ETV5: variants seen among roughly 807,000 people sequenced by gnomAD.
ETV5 encodes the protein ETS variant transcription factor 5.
In ETV5, 10 loss-of-function variants were observed where a neutral mutation model predicts 70.0. The observed-to-expected ratio is 0.14, with a 90% CI of 0.09 to 0.24. ETV5 has a LOEUF of 0.24. Ranked by LOEUF, ETV5 falls within the 10% of genes least tolerant of loss-of-function variation. The pLI is 1.00. For missense variants in ETV5, 453 were observed against 651.2 expected (o/e 0.70, Z 3.31); for synonymous variants, 216 against 242.2 (o/e 0.89, Z 1.01).
Position 186,105,484 on chromosome 3 carries a change from T to G in ETV5, c.146A>C (p.Asp49Ala), listed in dbSNP as rs1433707925. The change falls in exon 4 of 13, where the codon GAT becomes GCT. Residue 49 changes from aspartate to alanine, a missense_variant. Around this residue, in one of 4 missense-constraint regions of ETV5, gnomAD observed 47 missense variants for 96.8 expected, o/e 0.49. Transcript: ENST00000306376. The surrounding 1 kb of genome is among the most constrained non-coding windows in gnomAD (Gnocchi z 4.5). ...LAHDSEELFQ[D>A]LSQLQEAWLA... ...CCAAGCCTCTTGAAGTTGACTGAGA[T>G]CCTGAAATAGCTCTGAAATTGAAAA... 1 of 1,614,064 alleles carries G rather than the reference T, an allele frequency of 6.2e-7. No individual in the cohort carries two copies. The highest frequency in any genetic ancestry group is 1.3e-5 in the African/African-American group (1 of 74,926).
intron 7 of ETV5, chr3:186,078,922 C>A: frequency 6.0e-6 from 2 of 334,304 alleles, no homozygotes; most frequent in Non-Finnish European, 9.5e-6. Context: ...TGGTAGGCAT[C>A]TGGAATGGAC....
Position 186,048,761 on chromosome 3 carries a change from A to T in ETV5, c.1411T>A (p.Ser471Thr), listed in dbSNP as rs1427101151. 2.5e-6 allele frequency: 4 copies of T among 1,614,062 alleles called. No homozygotes were observed. Among genetic ancestry groups the T allele is most frequent in the Middle Eastern group, 3.3e-4 (2 of 6,062 alleles). ...TCCTCCTCGCTGAGGTGGCACTCGG[A>T]CTCTGCCTTCAGGAACGGACGCTGG... ...DNQRPFLKAE[S>T]ECHLSEEDTL... is the part of the protein sequence containing the mutation. Residue 471 changes from serine (S) to threonine (T), a missense_variant, in exon 13 of 13, where the codon TCC (serine) becomes ACC (threonine). Around this residue, in one of 4 missense-constraint regions of ETV5, gnomAD observed 74 missense variants for 95.2 expected, o/e 0.78. Coordinates refer to ENST00000306376, the MANE Select transcript of ETV5 (RefSeq NM_004454.3).
intron 11 of ETV5, 97 bp downstream of exon 11, chr3:186,056,978 C>A: frequency 7.2e-7 from 1 of 1,395,722 alleles, no homozygotes; most frequent in Non-Finnish European, 9.8e-7. Flanking sequence ...GAAGCAAGAG[C>A]AGACTTGACA....
At chr3:186,064,700 G>A in intron 8 of ETV5, 2 of 524,110 alleles carry the variant, frequency 3.8e-6, no homozygotes, top group Non-Finnish European at 6.8e-6. Flanking sequence ...AGTCACGGGA[G>A]GAAAAAAAAG....
chr3:186,061,063 C>T (rs1399209369), intron 9 of ETV5, among the ~76,000 whole-genome samples: 1 of 152,186 alleles, frequency 6.6e-6, no homozygotes, highest in East Asian at 1.9e-4. Context: ...AAACAACACT[C>T]GGTCTCCCAT....
intron 9 of ETV5, among the ~76,000 whole-genome samples, chr3:186,063,287 A>C (rs910333649): frequency 3.3e-5 from 5 of 151,526 alleles, no homozygotes; most frequent in East Asian, 1.9e-4. Context: ...ACAACAACAA[A>C]AAAAGATGAA....
intron 12 of ETV5, 83 bp downstream of exon 12, chr3:186,051,947 G>C (rs1008135238): frequency 1.6e-5 from 22 of 1,349,572 alleles, no homozygotes; most frequent in East Asian, 2.4e-5. Flanking sequence ...TCGTAGCGAC[G>C]ATCACCAGTC....
chr3:186,078,026 C>T, intron 7 of ETV5: 1 of 1,058,446 alleles, frequency 9.4e-7, no homozygotes, highest in Non-Finnish European at 1.1e-6. Context: ...TTCCTTTCAA[C>T]ACCCACGGGC....
rs573172158 is a variant in ETV5 at position 186,054,359 on chromosome 3, G to A, written c.1210-2228C>T. Among the ~76,000 whole-genome samples, 1 of 152,192 alleles carries A rather than the reference G, an allele frequency of 6.6e-6. No homozygotes were observed. Among genetic ancestry groups the A allele is most frequent in the African/African-American group, 2.4e-5 (1 of 41,460 alleles). On this transcript the variant is annotated intron_variant, in intron 11 of 12. Coordinates refer to ENST00000306376, the MANE Select transcript of ETV5 (RefSeq NM_004454.3). The surrounding 1 kb of genome is among the most constrained non-coding windows in gnomAD (Gnocchi z 4.4). ...CTATTCCTTCTCCCCTTTAAAGAGAGAGCAGCCACAGCCCAGGGAGTGGCT... is the reference window on the plus strand; with the variant it reads ...CTATTCCTTCTCCCCTTTAAAGAGAAAGCAGCCACAGCCCAGGGAGTGGCT...
At chr3:186,062,782 C>A (rs557115587) in intron 9 of ETV5, among the ~76,000 whole-genome samples, 92 of 152,212 alleles carry the variant, frequency 6.0e-4, no homozygotes, top group Middle Eastern at 6.8e-3. Context: ...GACTATAAAA[C>A]AATGAGTCCT....
Position 186,105,816 on chromosome 3 carries a change from A to G in ETV5, c.45+8T>C, listed in dbSNP as rs1338906031. ...GGACAAAACAAACCAAAAGCCACAT[A>G]AACTTACCCCTGGGACCATAAAAGG... On this transcript the variant is annotated splice_region_variant and intron_variant, in intron 2 of 12. Transcript: ENST00000306376. This position sits in a 1 kb window ranked among gnomAD's most constrained non-coding sequence, Gnocchi z 4.5. The G allele has an allele frequency of 1.9e-6, 3 of 1,613,682 alleles. No individual in the cohort carries two copies. Among genetic ancestry groups the G allele is most frequent in the Admixed American group, 1.7e-5 (1 of 60,016 alleles).
At chr3:186,108,662 C>T (rs987789730) in intron 1 of ETV5, 3 of 1,157,552 alleles carry the variant, frequency 2.6e-6, no homozygotes, top group Admixed American at 4.2e-5. Context: ...CGGGAGCCCC[C>T]GCACTCGCGC....
chr3:186,083,335 T>A (rs1713975894), intron 5 of ETV5, among the ~76,000 whole-genome samples: 1 of 152,226 alleles, frequency 6.6e-6, no homozygotes, highest in Non-Finnish European at 1.5e-5. Context: ...AAGATAATCA[T>A]TTGCAATCAC....
intron 5 of ETV5, among the ~76,000 whole-genome samples, chr3:186,098,840 T>C (rs1000504728): frequency 2.0e-5 from 3 of 152,194 alleles, no homozygotes; most frequent in Admixed American, 6.5e-5. Flanking sequence ...AAATGTCTTA[T>C]GTATGCTTCT....
Position 186,057,026 on chromosome 3 carries a change from T to C in ETV5, c.1209+49A>G. On this transcript the variant is annotated intron_variant, in intron 11 of 12. Coordinates refer to ENST00000306376, the MANE Select transcript of ETV5 (RefSeq NM_004454.3). This position sits in a 1 kb window ranked among gnomAD's most constrained non-coding sequence, Gnocchi z 4.9. ...ATGGAAATCTAAACAAAAAACATCATCAACAACAACAAATCAAAACCCGTC... is the reference window on the plus strand; with the variant it reads ...ATGGAAATCTAAACAAAAAACATCACCAACAACAACAAATCAAAACCCGTC... 7 of 1,584,412 alleles carry C rather than the reference T, an allele frequency of 4.4e-6. No homozygotes were observed. Among genetic ancestry groups the C allele is most frequent in the Non-Finnish European group, 6.0e-6 (7 of 1,161,364 alleles).
At chr3:186,089,860 G>A (rs1714140214) in intron 5 of ETV5, among the ~76,000 whole-genome samples, 1 of 152,168 alleles carries the variant, frequency 6.6e-6, no homozygotes, top group African/African-American at 2.4e-5. Flanking sequence ...GAGATATCTG[G>A]AGACAACTGG....
chr3:186,099,366 G>A (rs565268403), intron 5 of ETV5, among the ~76,000 whole-genome samples: 28 of 152,212 alleles, frequency 1.8e-4, no homozygotes, highest in Non-Finnish European at 3.7e-4. Context: ...AACCTAATCC[G>A]GTAATGGCAT....
chr3:186,059,170 G>A (rs558876780), intron 9 of ETV5, among the ~76,000 whole-genome samples: 2 of 152,192 alleles, frequency 1.3e-5, no homozygotes, highest in African/African-American at 4.8e-5. Context: ...TAAGAGGCCT[G>A]GGACTGAAGA....
chr3:186,048,531 A>T lies in ETV5; in HGVS notation c.*108T>A, dbSNP rs1036413190. ...AGCTTGGGTTCTCCAGATAATACTCAAAGGGCAAGCTTTAGGAACAACCAA... is the reference window on the plus strand; with the variant it reads ...AGCTTGGGTTCTCCAGATAATACTCTAAGGGCAAGCTTTAGGAACAACCAA... On this transcript the variant is annotated 3_prime_UTR_variant, in exon 13 of 13. Coordinates refer to ENST00000306376, the MANE Select transcript of ETV5 (RefSeq NM_004454.3). 3 of 1,020,962 alleles carry T rather than the reference A, an allele frequency of 2.9e-6. No homozygotes were observed. In the East Asian group the frequency reaches 7.2e-5, roughly 25 times the overall value. The allele number at this position is 1,020,962 out of a possible 1,614,324, so 63.2% of individuals were successfully genotyped here.
Sources: gnomAD v4.1 joint callset for allele counts (sites outside exome capture counted in the v4.1 genomes callset) on GRCh38, gnomAD v4.1.1 for gene constraint, gnomAD v4.1.1 regional missense constraint, Gnocchi (gnomAD v3.1) non-coding constraint, MANE v1.5 for transcripts, NCBI Gene and HGNC (gene_info 2026-07-23, HGNC 2026-07-21) for gene names.